LEPR: variants seen among roughly 807,000 people sequenced by gnomAD.
LEPR encodes the protein leptin receptor.
In LEPR, 56 loss-of-function variants were observed where a neutral mutation model predicts 114.7. That is an observed-to-expected ratio of 0.49 (90% CI 0.39 to 0.61). LEPR has a LOEUF of 0.61. LEPR is among the 20% of genes least tolerant of loss of function. The pLI is 0.00. For synonymous variants in LEPR, 443 were observed against 461.4 expected (o/e 0.96, Z 0.51); for missense variants, 1,202 against 1,352.9 (o/e 0.89, Z 1.75).
intron 2 of LEPR, among the ~76,000 whole-genome samples, chr1:65,548,676 T>C (rs9662547): frequency 0.39 from 59,255 of 151,924 alleles, 12,285 homozygotes; most frequent in Non-Finnish European, 0.47. Context: ...TCCTCCTCCG[T>C]CCTTTTATTT....
In LEPR at chr1:65,456,773, T is replaced by G. The variant is rs541651641; in HGVS notation, c.-21+31395T>G. Among the ~76,000 whole-genome samples, 3 of 152,320 alleles carry G rather than the reference T, an allele frequency of 2.0e-5. No homozygotes were observed. In the South Asian group the frequency reaches 6.2e-4, roughly 32 times the overall value. On this transcript the variant is annotated intron_variant, in intron 2 of 19. Transcript: ENST00000349533. ...TCATCCACTCCAACAGTCTCTGTCTTTGATTGGTGCATTAGACCACTGACA... is the reference window on the plus strand; with the variant it reads ...TCATCCACTCCAACAGTCTCTGTCTGTGATTGGTGCATTAGACCACTGACA...
Position 65,590,204 on chromosome 1 carries a change from T to G in LEPR, c.495-2453T>G, listed in dbSNP as rs143151536. 3.1e-5 allele frequency among the ~76,000 whole-genome samples: 4 copies of G among 131,020 alleles called. No individual in the cohort carries two copies. In the Admixed American group the frequency reaches 3.1e-4, roughly 10 times the overall value. 86.0% of individuals were successfully genotyped at this position (131,020 alleles called of 152,430 possible). On this transcript the variant is annotated intron_variant, in intron 5 of 19. Transcript: ENST00000349533. The stretch of plus-strand genomic sequence containing the variant: ...TATTGTAAATGATATTTTAAAATAA[T>G]TTCTGTTTCATCAGTTATCCAATAT...
chr1:65,548,924 C>A (rs1360987963), intron 2 of LEPR, among the ~76,000 whole-genome samples: 10 of 152,186 alleles, frequency 6.6e-5, no homozygotes, highest in Admixed American at 2.6e-4. Flanking sequence ...TACAATTTGG[C>A]ATGATTTTGC....
intron 2 of LEPR, among the ~76,000 whole-genome samples, chr1:65,468,385 A>G (rs1340055036): frequency 2.0e-5 from 3 of 152,194 alleles, no homozygotes; most frequent in Non-Finnish European, 4.4e-5. Flanking sequence ...ATTATAGAGG[A>G]CACTGGGTAT....
At chr1:65,592,277 A>T (rs1655750761) in intron 5 of LEPR, among the ~76,000 whole-genome samples, 1 of 107,372 alleles carries the variant, frequency 9.3e-6, no homozygotes, top group Non-Finnish European at 2.0e-5. Context: ...TGCCTGATGG[A>T]TTGCCTTTAG....
chr1:65,500,318 TTA>T (rs746289654), intron 2 of LEPR, among the ~76,000 whole-genome samples: 7 of 152,150 alleles, frequency 4.6e-5, no homozygotes, highest in Non-Finnish European at 1.0e-4. Flanking sequence ...AGACCCTATG[TTA>T]TATTGGCCAG....
intron 2 of LEPR, among the ~76,000 whole-genome samples, chr1:65,428,934 A>AGT (rs908278269): frequency 6.6e-6 from 1 of 152,176 alleles, no homozygotes; most frequent in Non-Finnish European, 1.5e-5. Flanking sequence ...TGAAGATCAA[A>AGT]GTACATCTAA....
At chr1:65,432,748 C>G (rs138179297) in intron 2 of LEPR, 1 of 572,144 alleles carries the variant, frequency 1.7e-6, no homozygotes, top group African/African-American at 2.0e-5. Flanking sequence ...ATCACTTGCA[C>G]AGCATGCTAA....
intron 2 of LEPR, among the ~76,000 whole-genome samples, chr1:65,491,706 T>G (rs1033294144): frequency 6.6e-6 from 1 of 152,106 alleles, no homozygotes; most frequent in African/African-American, 2.4e-5. Context: ...TAGATCATCT[T>G]GATTATTTTA....
rs781558613 is a variant in LEPR at position 65,558,501 on chromosome 1, G to GTTTTT, written c.-20-7034_-20-7030dup. Among the ~76,000 whole-genome samples the GTTTTT allele has an allele frequency of 2.2e-4, 5 of 23,160 alleles. 1 individual carries two copies. Among genetic ancestry groups the GTTTTT allele is most frequent in the African/African-American group, 2.1e-4 (1 of 4,736 alleles). The allele number at this position is 23,160 out of a possible 152,430, so 15.2% of individuals were successfully genotyped here. ...TGAGTCATGAGACATGTTTCTTAATGTTTTTTTTTTTTTTTGAATCAGAAG... is the reference window on the plus strand; with the variant it reads ...TGAGTCATGAGACATGTTTCTTAATGTTTTTTTTTTTTTTTTTTTTGAATCAGAAG... On this transcript the variant is annotated intron_variant, in intron 2 of 19. Coordinates refer to ENST00000349533, the MANE Select transcript of LEPR (RefSeq NM_002303.6).
chr1:65,551,313 T>A (rs1433650605), intron 2 of LEPR, among the ~76,000 whole-genome samples: 1 of 152,166 alleles, frequency 6.6e-6, no homozygotes, highest in Non-Finnish European at 1.5e-5. Flanking sequence ...TTTGTACCTC[T>A]GGTAGAATTC....
intron 1 of LEPR, among the ~76,000 whole-genome samples, chr1:65,421,103 T>C (rs966092633): frequency 3.3e-5 from 5 of 152,184 alleles, no homozygotes; most frequent in Non-Finnish European, 5.9e-5. Context: ...TTTCTGCCCC[T>C]CCGCAGTTTC....
chr1:65,488,198 T>TTCTCTCTCTCTCTCTCTCTC (rs1491230036), intron 2 of LEPR, among the ~76,000 whole-genome samples: 2 of 24,630 alleles, frequency 8.1e-5, no homozygotes, highest in Non-Finnish European at 1.6e-4. Flanking sequence ...CTTTCTTTCT[T>TTCTCTCTCTCTCTCTCTCTC]TCTTTCTTTC....
intron 2 of LEPR, among the ~76,000 whole-genome samples, chr1:65,555,278 T>A (rs1026586041): frequency 3.9e-5 from 6 of 152,208 alleles, no homozygotes; most frequent in African/African-American, 1.4e-4. Context: ...ATGCACAGCA[T>A]ATAAAAAATG....
intron 2 of LEPR, among the ~76,000 whole-genome samples, chr1:65,442,523 G>A (rs1179791476): frequency 6.6e-6 from 1 of 152,182 alleles, no homozygotes; most frequent in Non-Finnish European, 1.5e-5. Context: ...AGGATCTCTT[G>A]AGACTGTACC....
chr1:65,545,879 G>T (rs1651669036), intron 2 of LEPR, among the ~76,000 whole-genome samples: 1 of 151,742 alleles, frequency 6.6e-6, no homozygotes, highest in African/African-American at 2.4e-5. Context: ...TGAAGTCCTT[G>T]CCCATGCCTA....
At chr1:65,455,198 A>T (rs186093373) in intron 2 of LEPR, among the ~76,000 whole-genome samples, 1,956 of 152,132 alleles carry the variant, frequency 0.013, 50 homozygotes, top group Admixed American at 0.073. Context: ...ACTTTTTTCA[A>T]AGTTTTCAAC....
chr1:65,630,422 A>G (rs1658465169), intron 19 of LEPR: 1 of 142,756 alleles, frequency 7.0e-6, no homozygotes, highest in African/African-American at 2.6e-5. Context: ...AAAAAAAAAA[A>G]GAAAGAAAAA....
At chr1:65,599,288 C>T (rs1656282012) in intron 8 of LEPR, among the ~76,000 whole-genome samples, 4 of 152,098 alleles carry the variant, frequency 2.6e-5, no homozygotes, top group African/African-American at 7.2e-5. Context: ...TTCACAGCTT[C>T]TTCATGCAGC....
Sources: gnomAD v4.1 joint callset for allele counts (sites outside exome capture counted in the v4.1 genomes callset) on GRCh38, gnomAD v4.1.1 for gene constraint, MANE v1.5 for transcripts, NCBI Gene and HGNC (gene_info 2026-07-23, HGNC 2026-07-21) for gene names.